NEDD9: variants seen among roughly 807,000 people sequenced by gnomAD.
The protein encoded by NEDD9 is enhancer of filamentation 1.
In NEDD9, 26 loss-of-function variants were observed where a neutral mutation model predicts 76.6. That is an observed-to-expected ratio of 0.34 (90% CI 0.25 to 0.47). NEDD9 has a LOEUF of 0.47. NEDD9 is among the 20% of genes least tolerant of loss of function. The pLI is 1.00. For synonymous variants in NEDD9, 392 were observed against 414.2 expected, an observed-to-expected ratio of 0.95 and a Z score of 0.65; for missense variants, 937 against 1,058.5, an observed-to-expected ratio of 0.89 and a Z score of 1.59.
chr6:11,188,307 C>G lies in NEDD9; in HGVS notation c.1906G>C (p.Gly636Arg). Residue 636 changes from glycine to arginine, a missense_variant and splice_region_variant, in exon 6 of 7, where the codon GGT (glycine) becomes CGT (arginine). Gly to Arg is a moderately radical substitution (Grantham distance 125, BLOSUM62 -2). Transcript: ENST00000379446. ...MDDYDYVHLQ[G>R]KEEFERQQKE... is the part of the protein sequence containing the mutation. ...TGTTGCCTCTCAAACTCCTCCTTAC[C>G]CTGTTAATTTTCAACATAAAGAACA... 6.2e-7 allele frequency: 1 copy of G among 1,611,948 alleles called. No individual in the cohort carries two copies. The highest frequency in any genetic ancestry group is 8.5e-7 in the Non-Finnish European group (1 of 1,178,060).
At chr6:11,259,364 C>T (rs959569314) in intron 3 of NEDD9, among the ~76,000 whole-genome samples, 7 of 152,170 alleles carry the variant, frequency 4.6e-5, no homozygotes, top group African/African-American at 7.2e-5. Context: ...CAAATGATTT[C>T]GGATTCCTGT....
intron 3 of NEDD9, among the ~76,000 whole-genome samples, chr6:11,255,002 C>T (rs1759975755): frequency 6.6e-6 from 1 of 152,190 alleles, no homozygotes; most frequent in Non-Finnish European, 1.5e-5. Flanking sequence ...GAGTTCAGAG[C>T]CCCAAAGGGA....
chr6:11,298,438 G>T (rs1448376177), intron 3 of NEDD9, among the ~76,000 whole-genome samples: 1 of 152,158 alleles, frequency 6.6e-6, no homozygotes, highest in Admixed American at 6.5e-5. Context: ...AATTGAGGTG[G>T]TGAAATTATA....
At position 11,190,912 on chromosome 6, in the gene NEDD9, G is replaced by C; in HGVS notation, c.957C>G (p.Val319=). Residue 319 remains valine (V), a synonymous_variant, in exon 5 of 7, where the codon GTC becomes GTG. Transcript: ENST00000379446. The surrounding 1 kb of genome is among the most constrained non-coding windows in gnomAD (Gnocchi z 5.8). ...SVGSQNDAYD[V]PRGVQFLEPP... ...GCTCAAGAAACTGAACGCCTCGGGG[G>C]ACATCATATGCGTCGTTCTGAGAGC... The C allele has an allele frequency of 6.2e-7, 1 of 1,614,076 alleles. No homozygotes were observed. Among genetic ancestry groups the C allele is most frequent in the South Asian group, 1.1e-5 (1 of 91,068 alleles).
In NEDD9 at chr6:11,237,881, G is replaced by A. The variant is rs1759637535; in HGVS notation, c.13-24154C>T. Among the ~76,000 whole-genome samples, 1 of 152,202 alleles carries A rather than the reference G, an allele frequency of 6.6e-6. No homozygotes were observed. The highest frequency in any genetic ancestry group is 1.5e-5 in the Non-Finnish European group (1 of 68,038). ...GGAACAATCTGGAAGCTGAGTGAGTGCTAGACCAGAGGAACAAGCCCAGTC... is the reference window on the plus strand; with the variant it reads ...GGAACAATCTGGAAGCTGAGTGAGTACTAGACCAGAGGAACAAGCCCAGTC... On this transcript the variant is annotated intron_variant, in intron 3 of 3. Coordinates refer to the NEDD9 transcript ENST00000397378. The surrounding 1 kb of genome is among the most constrained non-coding windows in gnomAD (Gnocchi z 4.9).
At chr6:11,306,308 G>T (rs931060397) in intron 2 of NEDD9, among the ~76,000 whole-genome samples, 2 of 152,214 alleles carry the variant, frequency 1.3e-5, no homozygotes, top group Non-Finnish European at 2.9e-5. Flanking sequence ...TGCAATCAAA[G>T]AAAGCATTTA....
chr6:11,298,321 TTAAAA>T lies in NEDD9; in HGVS notation c.12+7666_12+7670del, dbSNP rs141036363. Among the ~76,000 whole-genome samples the T allele has an allele frequency of 6.5e-3, 990 of 152,216 alleles. 10 individuals carry two copies. The highest frequency in any genetic ancestry group is 0.022 in the African/African-American group (900 of 41,526). On this transcript the variant is annotated intron_variant, in intron 3 of 3. Coordinates refer to the NEDD9 transcript ENST00000397378. ...TGTGTGTATCTGTGTGTATGAAAAGTTAAAATAAAGTTTAATAATGGGGGAAAAAA... is the reference window on the plus strand; with the variant it reads ...TGTGTGTATCTGTGTGTATGAAAAGTTAAAGTTTAATAATGGGGGAAAAAA...
At chr6:11,193,034 G>A (rs551497121) in intron 3 of NEDD9, among the ~76,000 whole-genome samples, 40 of 149,486 alleles carry the variant, frequency 2.7e-4, no homozygotes, top group African/African-American at 8.0e-4. Flanking sequence ...GCTGGGGGCC[G>A]TGGCTCACAC....
At chr6:11,371,014 C>G (rs971856149) in intron 1 of NEDD9, among the ~76,000 whole-genome samples, 1 of 152,096 alleles carries the variant, frequency 6.6e-6, no homozygotes, top group Non-Finnish European at 1.5e-5. Context: ...GAAGGTCCTT[C>G]CAGGCAGAGG....
At chr6:11,221,246 G>A (rs1759135231) in intron 1 of NEDD9, among the ~76,000 whole-genome samples, 1 of 152,108 alleles carries the variant, frequency 6.6e-6, no homozygotes, top group South Asian at 2.1e-4. Flanking sequence ...AGCCAGGCAT[G>A]GAGGTGTGCA....
chr6:11,319,704 G>GCA (rs909623340), intron 2 of NEDD9, among the ~76,000 whole-genome samples: 2 of 118,374 alleles, frequency 1.7e-5, no homozygotes, highest in African/African-American at 6.3e-5. Flanking sequence ...ACACAAACAT[G>GCA]CACACACAAA....
At chr6:11,267,679 A>G (rs929993434) in intron 3 of NEDD9, among the ~76,000 whole-genome samples, 2 of 152,172 alleles carry the variant, frequency 1.3e-5, no homozygotes, top group Non-Finnish European at 2.9e-5. Context: ...AGTAAGAAAA[A>G]AAAATTAGGA....
At chr6:11,308,986 T>G (rs1761282568) in intron 2 of NEDD9, among the ~76,000 whole-genome samples, 1 of 152,244 alleles carries the variant, frequency 6.6e-6, no homozygotes, top group African/African-American at 2.4e-5. Context: ...TTATGTGTCC[T>G]CAATTACTGA....
In NEDD9 at chr6:11,222,271, T is replaced by C. The variant is rs543257702; in HGVS notation, c.13-8544A>G. ...CAGAACCGAGTTGATGTAAATAGGA[T>C]GCAACCCTCCCTGGAACTCTTTTAG... On this transcript the variant is annotated intron_variant, in intron 1 of 6. Coordinates refer to ENST00000379446, the MANE Select transcript of NEDD9 (RefSeq NM_006403.4). 1.8e-4 allele frequency among the ~76,000 whole-genome samples: 27 copies of C among 152,324 alleles called. No homozygotes were observed. In the South Asian group the frequency reaches 5.2e-3, roughly 29 times the overall value.
At chr6:11,362,457 G>A (rs1399085604) in intron 1 of NEDD9, among the ~76,000 whole-genome samples, 1 of 152,134 alleles carries the variant, frequency 6.6e-6, no homozygotes, top group Non-Finnish European at 1.5e-5. Context: ...TTATTAGCAT[G>A]TGTAGACTCA....
intron 3 of NEDD9, among the ~76,000 whole-genome samples, chr6:11,288,207 G>C (rs1159359903): frequency 2.0e-5 from 3 of 152,186 alleles, no homozygotes; most frequent in Non-Finnish European, 4.4e-5. Context: ...TGTGGCCTGG[G>C]GTGTTGCTGG....
rs886177608 is a variant in NEDD9, at chr6:11,232,348, C to G, written c.12+156G>C. Among the ~76,000 whole-genome samples, 3 of 146,104 alleles carry G rather than the reference C, an allele frequency of 2.1e-5. No homozygotes were observed. The East Asian group carries it at 6.2e-4, about 30-fold the overall frequency. On this transcript the variant is annotated intron_variant, in intron 1 of 6. Transcript: ENST00000379446. ...GTCTCAAAGACCGGGTCTCTGCTTGCTTGTCTGCTTGCATGTCAACCTCAG... is the reference window on the plus strand; with the variant it reads ...GTCTCAAAGACCGGGTCTCTGCTTGGTTGTCTGCTTGCATGTCAACCTCAG...
intron 3 of NEDD9, among the ~76,000 whole-genome samples, chr6:11,303,314 G>A (rs780359063): frequency 1.3e-5 from 2 of 152,152 alleles, no homozygotes; most frequent in African/African-American, 2.4e-5. Context: ...TACAAGGGAC[G>A]TGAAGGAACT....
intron 3 of NEDD9, among the ~76,000 whole-genome samples, chr6:11,287,734 T>G (rs144811197): frequency 6.6e-6 from 1 of 152,330 alleles, no homozygotes; most frequent in Non-Finnish European, 1.5e-5. Flanking sequence ...GTGCACAAGC[T>G]TCCAGATGGG....
Sources: gnomAD v4.1 joint callset for allele counts (sites outside exome capture counted in the v4.1 genomes callset) on GRCh38, gnomAD v4.1.1 for gene constraint, Gnocchi (gnomAD v3.1) non-coding constraint, MANE v1.5 for transcripts, NCBI Gene and HGNC (gene_info 2026-07-23, HGNC 2026-07-21) for gene names.